TLE1: variants seen among roughly 807,000 people sequenced by gnomAD.
TLE1 encodes the protein TLE family member 1, transcriptional corepressor.
A neutral mutation model predicts 89.8 loss-of-function variants in TLE1; 21 were observed. That is an observed-to-expected ratio of 0.23 (90% CI 0.17 to 0.34). The LOEUF (loss-of-function observed/expected upper bound fraction) is 0.34. Among genes scored for constraint, TLE1 ranks in the 10% least tolerant of loss-of-function variants. TLE1 has a pLI of 1.00. For synonymous variants in TLE1, 447 were observed against 407.6 expected (o/e 1.10, Z -1.16); for missense variants, 795 against 1,031.2 (o/e 0.77, Z 3.14).
chr9:81,670,719 A>AT (rs1329422433), intron 4 of TLE1, among the ~76,000 whole-genome samples: 1 of 62,574 alleles, frequency 1.6e-5, no homozygotes, highest in Non-Finnish European at 2.9e-5. Flanking sequence ...AATCAGAAAA[A>AT]AAAAAATTAA....
chr9:81,621,550 A>G (rs962464045), intron 8 of TLE1, among the ~76,000 whole-genome samples: 1 of 152,374 alleles, frequency 6.6e-6, no homozygotes. Flanking sequence ...TCCAGGGCCA[A>G]CAGACAATTA....
chr9:81,617,592 T>C (rs1824707899), intron 9 of TLE1, among the ~76,000 whole-genome samples: 1 of 152,042 alleles, frequency 6.6e-6, no homozygotes, highest in Non-Finnish European at 1.5e-5. Flanking sequence ...GTCACAGCTA[T>C]TCAGGCAGCT....
At chr9:81,654,394 G>A (rs2132656661) in intron 4 of TLE1, among the ~76,000 whole-genome samples, 1 of 152,256 alleles carries the variant, frequency 6.6e-6, no homozygotes, top group South Asian at 2.1e-4. Flanking sequence ...AGGCTGGAGT[G>A]CAGTGGCACG....
intron 9 of TLE1, among the ~76,000 whole-genome samples, chr9:81,619,247 G>A (rs953337353): frequency 5.9e-5 from 9 of 152,182 alleles, no homozygotes; most frequent in Non-Finnish European, 1.2e-4. Context: ...CTAGGGTGGG[G>A]AGAACCAACA....
chr9:81,663,354 G>GAAA (rs1831057923), intron 4 of TLE1, among the ~76,000 whole-genome samples: 8 of 98,912 alleles, frequency 8.1e-5, no homozygotes, highest in Non-Finnish European at 1.7e-4. Context: ...AGAGCAAGAA[G>GAAA]CCACATATTC....
At chr9:81,638,687 C>T (rs1827715215) in intron 6 of TLE1, among the ~76,000 whole-genome samples, 1 of 151,742 alleles carries the variant, frequency 6.6e-6, no homozygotes, top group African/African-American at 2.4e-5. Flanking sequence ...TACAGTGGCG[C>T]AATCTTGGCT....
chr9:81,633,937 C>T (rs1024269134), intron 7 of TLE1, 160 bp downstream of exon 7: 3 of 789,376 alleles, frequency 3.8e-6, no homozygotes, highest in Non-Finnish European at 5.6e-6. Context: ...TGCAAACTTC[C>T]AGGGTGACCT....
intron 4 of TLE1, among the ~76,000 whole-genome samples, chr9:81,661,161 TAC>T (rs1314045957): frequency 7.1e-6 from 1 of 140,850 alleles, no homozygotes; most frequent in Non-Finnish European, 1.5e-5. Flanking sequence ...AAATAAAAAA[TAC>T]ATATATATTT....
intron 4 of TLE1, among the ~76,000 whole-genome samples, chr9:81,672,594 T>C (rs957091277): frequency 1.3e-5 from 2 of 152,024 alleles, no homozygotes; most frequent in Non-Finnish European, 2.9e-5. Flanking sequence ...CTCACAACTT[T>C]TGCACAGTAC....
At chr9:81,605,443 C>T (rs1030206217) in intron 14 of TLE1, among the ~76,000 whole-genome samples, 15 of 151,970 alleles carry the variant, frequency 9.9e-5, no homozygotes, top group Non-Finnish European at 1.5e-4. Flanking sequence ...ACTTACGGGG[C>T]GGGGCGGGGA....
At chr9:81,631,262 A>G (rs926942827) in intron 8 of TLE1, among the ~76,000 whole-genome samples, 5 of 152,270 alleles carry the variant, frequency 3.3e-5, no homozygotes, top group African/African-American at 4.8e-5. Context: ...CCATGAATTA[A>G]GTACTTGCAT....
Position 81,583,981 on chromosome 9 carries a change from G to A in TLE1, c.*217C>T, listed in dbSNP as rs1203589027. The A allele has an allele frequency of 1.5e-5, 8 of 538,156 alleles. No individual in the cohort carries two copies. Among genetic ancestry groups the A allele is most frequent in the East Asian group, 1.2e-4 (4 of 32,916 alleles). 33.3% of individuals were successfully genotyped at this position (538,156 alleles called of 1,614,324 possible). ...CCTACAACCCATGGCCCCTCTGTCC[G>A]CTTGGCCTTGGTGCTCCATTTGGTC... On this transcript the variant is annotated 3_prime_UTR_variant, in exon 20 of 20. Coordinates refer to ENST00000376499, the MANE Select transcript of TLE1 (RefSeq NM_005077.5).
intron 14 of TLE1, 92 bp from the exon 15 acceptor site, chr9:81,593,366 T>C (rs1457803100): frequency 7.0e-6 from 10 of 1,419,408 alleles, no homozygotes; most frequent in South Asian, 6.0e-5. Flanking sequence ...ATGAAAAAGA[T>C]GAAAAAAAGG....
At chr9:81,586,839 A>G (rs1828541934) in intron 17 of TLE1, among the ~76,000 whole-genome samples, 1 of 152,108 alleles carries the variant, frequency 6.6e-6, no homozygotes, top group East Asian at 1.9e-4. Context: ...GAAAGAGTGA[A>G]AACAGCAAGA....
At chr9:81,672,553 G>A (rs1832362325) in intron 4 of TLE1, among the ~76,000 whole-genome samples, 1 of 151,496 alleles carries the variant, frequency 6.6e-6, no homozygotes, top group African/African-American at 2.4e-5. Context: ...CCATGGAGTA[G>A]ACGAAGAAAG....
chr9:81,595,590 G>A (rs150980614), intron 14 of TLE1, among the ~76,000 whole-genome samples: 5 of 152,040 alleles, frequency 3.3e-5, no homozygotes, highest in East Asian at 1.9e-4. Flanking sequence ...AGGCCAAGGC[G>A]GGCGGATCAC....
At chr9:81,654,132 T>C (rs1829876640) in intron 4 of TLE1, 96 bp from the exon 5 acceptor site, 1 of 1,119,320 alleles carries the variant, frequency 8.9e-7, no homozygotes, top group Admixed American at 2.0e-5. Flanking sequence ...CTCCTCTCCC[T>C]TGCTCTGGAA....
intron 4 of TLE1, among the ~76,000 whole-genome samples, chr9:81,669,581 T>C (rs902207082): frequency 3.9e-5 from 6 of 152,038 alleles, no homozygotes; most frequent in Admixed American, 1.3e-4. Context: ...CACTTGTACA[T>C]GCAAATATAT....
At chr9:81,639,946 CTA>C (rs1827902564) in intron 6 of TLE1, among the ~76,000 whole-genome samples, 1 of 152,080 alleles carries the variant, frequency 6.6e-6, no homozygotes, top group African/African-American at 2.4e-5. Context: ...GTTTCTCAGG[CTA>C]TGATTCTAGA....
Sources: gnomAD v4.1 joint callset for allele counts (sites outside exome capture counted in the v4.1 genomes callset) on GRCh38, gnomAD v4.1.1 for gene constraint, MANE v1.5 for transcripts, NCBI Gene and HGNC (gene_info 2026-07-23, HGNC 2026-07-21) for gene names.